PRKCE: variants seen among roughly 807,000 people sequenced by gnomAD.
PRKCE encodes protein kinase C epsilon, also known as protein kinase C epsilon type.
PRKCE carries 16 observed loss-of-function variants against 85.4 expected under a neutral mutation model. The observed-to-expected ratio is 0.19, with a 90% CI of 0.13 to 0.28. PRKCE has a LOEUF of 0.28. Among genes scored for constraint, PRKCE ranks in the 10% least tolerant of loss-of-function variants. The pLI is 1.00. For missense variants in PRKCE, 573 were observed against 975.2 expected (o/e 0.59, Z 5.49); for synonymous variants, 388 against 371.5 (o/e 1.04, Z -0.51).
chr2:46,009,143 T>C (rs1435129402), intron 9 of PRKCE, among the ~76,000 whole-genome samples: 1 of 152,210 alleles, frequency 6.6e-6, no homozygotes, highest in African/African-American at 2.4e-5. Context: ...GAACTGTTAA[T>C]TAGCTCTCTT....
intron 1 of PRKCE, among the ~76,000 whole-genome samples, chr2:45,717,684 A>G (rs969521743): frequency 2.6e-5 from 4 of 152,198 alleles, no homozygotes; most frequent in Admixed American, 6.5e-5. Context: ...TCTGCAAGGG[A>G]TGTCCAGACT....
intron 2 of PRKCE, among the ~76,000 whole-genome samples, chr2:45,942,945 T>C (rs1413204604): frequency 6.6e-6 from 1 of 152,228 alleles, no homozygotes; most frequent in African/African-American, 2.4e-5. Flanking sequence ...CAACCTCTTA[T>C]TCTCCACTCC....
At chr2:45,799,768 A>G (rs1408038281) in intron 1 of PRKCE, among the ~76,000 whole-genome samples, 3 of 152,172 alleles carry the variant, frequency 2.0e-5, no homozygotes, top group Non-Finnish European at 4.4e-5. Context: ...TTTAATTTGT[A>G]CAAGGAGAAG....
intron 2 of PRKCE, among the ~76,000 whole-genome samples, chr2:45,901,569 G>A (rs549947020): frequency 6.6e-6 from 1 of 152,320 alleles, no homozygotes; most frequent in South Asian, 2.1e-4. Flanking sequence ...GCTATTTAAA[G>A]CTGTGAGTGT....
In PRKCE at chr2:45,764,326, G is replaced by A. The variant is rs1452677736; in HGVS notation, c.349-78674G>A. Among the ~76,000 whole-genome samples, 7 of 152,328 alleles carry A rather than the reference G, an allele frequency of 4.6e-5. No individual in the cohort carries two copies. In the East Asian group the frequency reaches 5.8e-4, roughly 13 times the overall value. ...AGCCCACCTGAGGAAATTCAAACAC[G>A]TGGTTTAAGAGCTTATAAATGAAGG... On this transcript the variant is annotated intron_variant, in intron 1 of 14. Transcript: ENST00000306156.
In PRKCE at chr2:45,662,789, CA is replaced by C. The variant is rs1675733587; in HGVS notation, c.348+10342del. On this transcript the variant is annotated intron_variant, in intron 1 of 14. Coordinates refer to ENST00000306156, the MANE Select transcript of PRKCE (RefSeq NM_005400.3). ...TCTTTACCTACCTTTGTTCAAGGCC[CA>C]CAAAAAATAAATTTAATTCTTAAAT... 4.6e-5 allele frequency among the ~76,000 whole-genome samples: 7 copies of C among 151,880 alleles called. No homozygotes were observed. In the South Asian group the frequency reaches 1.5e-3, roughly 32 times the overall value.
At chr2:45,789,109 C>T (rs1044909730) in intron 1 of PRKCE, among the ~76,000 whole-genome samples, 3 of 152,106 alleles carry the variant, frequency 2.0e-5, no homozygotes, top group African/African-American at 7.2e-5. Flanking sequence ...AGACAGATGA[C>T]AGGTTCTTGG....
At chr2:45,710,872 C>T (rs187383344) in intron 1 of PRKCE, among the ~76,000 whole-genome samples, 1 of 152,248 alleles carries the variant, frequency 6.6e-6, no homozygotes, top group Non-Finnish European at 1.5e-5. Context: ...ATGACACAAC[C>T]TGACTTGTCT....
At chr2:45,986,707 G>A (rs748405069) in intron 6 of PRKCE, among the ~76,000 whole-genome samples, 10 of 152,186 alleles carry the variant, frequency 6.6e-5, no homozygotes, top group Non-Finnish European at 1.2e-4. Context: ...GCAATTGTGG[G>A]GACAGAACAC....
At chr2:45,800,053 G>A (rs1331311761) in intron 1 of PRKCE, among the ~76,000 whole-genome samples, 1 of 152,312 alleles carries the variant, frequency 6.6e-6, no homozygotes, top group Non-Finnish European at 1.5e-5. Context: ...TGGTCAAGTG[G>A]GGAGAGATTT....
intron 12 of PRKCE, among the ~76,000 whole-genome samples, chr2:46,149,070 G>A (rs1676355248): frequency 6.6e-6 from 1 of 152,194 alleles, no homozygotes; most frequent in African/African-American, 2.4e-5. Flanking sequence ...AACTGTGAGT[G>A]TTTTAACTGT....
At chr2:45,936,771 G>A (rs1196563131) in intron 2 of PRKCE, among the ~76,000 whole-genome samples, 1 of 152,166 alleles carries the variant, frequency 6.6e-6, no homozygotes, top group East Asian at 1.9e-4. Flanking sequence ...TGATTTTGGA[G>A]GACCCAAAGA....
intron 10 of PRKCE, among the ~76,000 whole-genome samples, chr2:46,036,075 G>A (rs1167738739): frequency 6.6e-6 from 1 of 152,202 alleles, no homozygotes; most frequent in Non-Finnish European, 1.5e-5. Flanking sequence ...GAAAGAAGTG[G>A]AGGAGCCGGC....
intron 2 of PRKCE, among the ~76,000 whole-genome samples, chr2:45,846,477 G>A (rs1450641873): frequency 1.3e-5 from 2 of 152,104 alleles, no homozygotes; most frequent in African/African-American, 2.4e-5. Context: ...TGGTATGTTT[G>A]GATCACCAAA....
chr2:45,788,348 A>G (rs1686775427), intron 1 of PRKCE, among the ~76,000 whole-genome samples: 1 of 152,230 alleles, frequency 6.6e-6, no homozygotes, highest in East Asian at 1.9e-4. Flanking sequence ...TCTTAGGAGC[A>G]TCGGTAATGT....
intron 2 of PRKCE, among the ~76,000 whole-genome samples, chr2:45,957,160 T>C (rs1320188569): frequency 6.6e-6 from 1 of 152,258 alleles, no homozygotes; most frequent in East Asian, 1.9e-4. Flanking sequence ...TTGTCAATCT[T>C]TTATGAATTA....
intron 10 of PRKCE, among the ~76,000 whole-genome samples, chr2:46,031,003 G>A (rs530319836): frequency 1.3e-5 from 2 of 152,276 alleles, no homozygotes; most frequent in East Asian, 3.9e-4. Flanking sequence ...CAACTCTGTC[G>A]TGAATGATGT....
chr2:46,077,327 A>G (rs966545273), intron 10 of PRKCE, among the ~76,000 whole-genome samples: 4 of 152,210 alleles, frequency 2.6e-5, no homozygotes, highest in Non-Finnish European at 4.4e-5. Context: ...ATCAAGTTGT[A>G]TACATGAAAT....
chr2:46,078,867 A>AGTT (rs1668791028), intron 10 of PRKCE: 1 of 152,196 alleles, frequency 6.6e-6, no homozygotes, highest in Non-Finnish European at 1.5e-5. Context: ...TTCACACACC[A>AGTT]GTTGTACTAT....
Sources: gnomAD v4.1 joint callset for allele counts (sites outside exome capture counted in the v4.1 genomes callset) on GRCh38, gnomAD v4.1.1 for gene constraint, MANE v1.5 for transcripts, NCBI Gene and HGNC (gene_info 2026-07-23, HGNC 2026-07-21) for gene names.